Variants in MACROD1 observed in about 807,000 individuals in gnomAD.
The protein encoded by MACROD1 is ADP-ribose glycohydrolase MACROD1.
Under a neutral mutation model 41.4 loss-of-function variants are expected in MACROD1, and 31 were observed. The ratio of observed to expected loss-of-function variants is 0.75; its 90% confidence interval spans 0.56 to 1.01. MACROD1 has a LOEUF of 1.01. Ranked by LOEUF, MACROD1 falls within the 50% of genes least tolerant of loss-of-function variation. MACROD1 has a pLI of 0.00. For synonymous variants in MACROD1, 252 were observed against 203.4 expected (o/e 1.24, Z -2.03); for missense variants, 473 against 460.0 (o/e 1.03, Z -0.26).
rs570232496 is a variant in MACROD1, at chr11:64,088,759, C to T, written c.517+62480G>A. On this transcript the variant is annotated intron_variant, in intron 3 of 10. Transcript: ENST00000255681. ...CAGGTCACTAAGAGCACGAGATGAA[C>T]GACAGCAGACAGTAAGAGACTGAAC... Among the ~76,000 whole-genome samples, 44 of 152,168 alleles carry T rather than the reference C, an allele frequency of 2.9e-4. 2 individuals are homozygous for T. Among genetic ancestry groups the T allele is most frequent in the Admixed American group, 2.0e-3 (31 of 15,276 alleles).
At chr11:64,046,396 A>G (rs1452942427) in intron 3 of MACROD1, among the ~76,000 whole-genome samples, 1 of 152,154 alleles carries the variant, frequency 6.6e-6, no homozygotes, top group African/African-American at 2.4e-5. Flanking sequence ...CTGGGTTCCC[A>G]AAGTGTCCCC....
At chr11:64,129,937 T>C (rs970336968) in intron 3 of MACROD1, among the ~76,000 whole-genome samples, 9 of 151,992 alleles carry the variant, frequency 5.9e-5, no homozygotes, top group Admixed American at 2.0e-4. Context: ...GACCGGGTGG[T>C]TGGGGGGCCG....
intron 3 of MACROD1, chr11:64,116,783 C>T: frequency 1.2e-6 from 2 of 1,613,630 alleles, no homozygotes; most frequent in South Asian, 1.1e-5. Context: ...AGGAGGACGC[C>T]TTCGCCGACA....
intron 3 of MACROD1, among the ~76,000 whole-genome samples, chr11:64,092,437 C>A (rs910572615): frequency 1.3e-5 from 2 of 152,182 alleles, no homozygotes; most frequent in Non-Finnish European, 2.9e-5. Flanking sequence ...GCTGGTGGGG[C>A]CTCCCAGGGG....
chr11:64,010,321 T>TTGGGGTGTTGG (rs1942986799), intron 4 of MACROD1, among the ~76,000 whole-genome samples: 8 of 114,484 alleles, frequency 7.0e-5, no homozygotes, highest in East Asian at 3.2e-4. Flanking sequence ...TGGTATGTTG[T>TTGGGGTGTTGG]TTGGGGTGTT....
Position 64,165,890 on chromosome 11 carries a change from C to T in MACROD1, c.105G>A (p.Thr35=). ...RPRPGHLAGA[T]RTRSSTCGPP... is the part of the protein sequence containing the mutation. ...GACCGCACGTGCTGCTGCGGGTCCT[C>T]GTGGCACCCGCCAAGTGTCCGGGCC... Residue 35 remains threonine, a synonymous_variant, in exon 1 of 11, where the codon ACG becomes ACA. Coordinates refer to ENST00000255681, the MANE Select transcript of MACROD1 (RefSeq NM_014067.4). The T allele has an allele frequency of 7.2e-7, 1 of 1,388,808 alleles. No individual in the cohort carries two copies. Among genetic ancestry groups the T allele is most frequent in the South Asian group, 1.7e-5 (1 of 60,290 alleles). The allele number at this position is 1,388,808 out of a possible 1,614,324, so 86.0% of individuals were successfully genotyped here.
chr11:64,126,390 G>A (rs1945181760), intron 3 of MACROD1, among the ~76,000 whole-genome samples: 1 of 152,098 alleles, frequency 6.6e-6, no homozygotes, highest in Admixed American at 6.5e-5. Flanking sequence ...GTCGAAATAG[G>A]CTAGCCAGAG....
At chr11:64,046,674 T>G (rs1450150993) in intron 3 of MACROD1, among the ~76,000 whole-genome samples, 1 of 152,166 alleles carries the variant, frequency 6.6e-6, no homozygotes, top group Non-Finnish European at 1.5e-5. Context: ...TAATTTTGTA[T>G]TTTTAATAGA....
intron 3 of MACROD1, among the ~76,000 whole-genome samples, chr11:64,141,101 C>CT (rs1489777412): frequency 1.3e-5 from 2 of 152,232 alleles, no homozygotes; most frequent in Non-Finnish European, 1.5e-5. Context: ...CACCAGTGTA[C>CT]TCCAGCCTGG....
intron 3 of MACROD1, among the ~76,000 whole-genome samples, chr11:64,088,803 G>A (rs994547472): frequency 3.3e-5 from 5 of 152,162 alleles, no homozygotes; most frequent in Non-Finnish European, 4.4e-5. Context: ...GCACATGATG[G>A]GCTCTTGGTG....
chr11:64,132,835 A>G (rs1181073627), intron 3 of MACROD1, among the ~76,000 whole-genome samples: 1 of 152,230 alleles, frequency 6.6e-6, no homozygotes, highest in Non-Finnish European at 1.5e-5. Context: ...ACCGAGCTTC[A>G]TCCTCACGGC....
chr11:63,999,458 T>A (rs1942778904), intron 7 of MACROD1, 54 bp from the exon 8 acceptor site: 1 of 1,560,968 alleles, frequency 6.4e-7, no homozygotes, highest in African/African-American at 1.3e-5. Context: ...CCCACTCCCC[T>A]GTCCGCCCCG....
rs1008957621 is a variant in MACROD1, at chr11:64,036,947, A to G, written c.518-21666T>C. On this transcript the variant is annotated intron_variant, in intron 3 of 10. Coordinates refer to ENST00000255681, the MANE Select transcript of MACROD1 (RefSeq NM_014067.4). This position sits in a 1 kb window ranked among gnomAD's most constrained non-coding sequence, Gnocchi z 5.6. ...CAGCTGCAGGGAACCGTGGTTGATC[A>G]GAGCTCCCCGAGGAGGAGAAAGTTG... 6.6e-6 allele frequency among the ~76,000 whole-genome samples: 1 copy of G among 152,216 alleles called. No individual in the cohort carries two copies. The highest frequency in any genetic ancestry group is 2.4e-5 in the African/African-American group (1 of 41,472).
At chr11:64,041,769 C>G (rs1943491898) in intron 3 of MACROD1, among the ~76,000 whole-genome samples, 1 of 152,150 alleles carries the variant, frequency 6.6e-6, no homozygotes, top group South Asian at 2.1e-4. Flanking sequence ...TCTGGTCAGA[C>G]CAGAGGGGGC....
intron 3 of MACROD1, among the ~76,000 whole-genome samples, chr11:64,111,690 C>T (rs1358158339): frequency 6.6e-6 from 1 of 152,172 alleles, no homozygotes; most frequent in Non-Finnish European, 1.5e-5. Flanking sequence ...GAGGTCACCC[C>T]ACCACCTAGG....
intron 7 of MACROD1, 59 bp from the exon 8 acceptor site, chr11:63,999,463 G>A: frequency 6.4e-7 from 1 of 1,563,254 alleles, no homozygotes; most frequent in African/African-American, 1.3e-5. Flanking sequence ...TCCCCTGTCC[G>A]CCCCGGCCCC....
intron 3 of MACROD1, among the ~76,000 whole-genome samples, chr11:64,079,616 G>A (rs911601728): frequency 2.0e-5 from 3 of 152,174 alleles, no homozygotes; most frequent in Admixed American, 1.3e-4. Flanking sequence ...TGGGCTAGAC[G>A]GAGGCAGAGT....
At chr11:64,135,762 C>T (rs1482364868) in intron 3 of MACROD1, among the ~76,000 whole-genome samples, 27 of 152,138 alleles carry the variant, frequency 1.8e-4, no homozygotes, top group Non-Finnish European at 8.8e-5. Flanking sequence ...GCACATGTTC[C>T]GAGGGCCCAC....
chr11:64,149,757 G>GC (rs1445209212), intron 3 of MACROD1, among the ~76,000 whole-genome samples: 2 of 152,350 alleles, frequency 1.3e-5, no homozygotes, highest in Non-Finnish European at 1.5e-5. Context: ...CTGCCTGACT[G>GC]CCCCCTCAGC....
Sources: gnomAD v4.1 joint callset for allele counts (sites outside exome capture counted in the v4.1 genomes callset) on GRCh38, gnomAD v4.1.1 for gene constraint, Gnocchi (gnomAD v3.1) non-coding constraint, MANE v1.5 for transcripts, NCBI Gene and HGNC (gene_info 2026-07-23, HGNC 2026-07-21) for gene names.